The following CNTN5 variants were observed in gnomAD, a reference collection of about 807,000 sequenced individuals.
The protein encoded by CNTN5 is contactin 5, also known as contactin-5.
In CNTN5, 77 loss-of-function variants were observed where a neutral mutation model predicts 129.1. That is an observed-to-expected ratio of 0.60 (90% confidence interval 0.50 to 0.72). CNTN5 has a LOEUF of 0.72. Ranked by LOEUF, CNTN5 falls within the 30% of genes least tolerant of loss-of-function variation. The pLI is 0.00. For synonymous variants in CNTN5, 509 were observed against 465.6 expected, an observed-to-expected ratio of 1.09 and a Z score of -1.20; for missense variants, 1,478 against 1,328.8, an observed-to-expected ratio of 1.11 and a Z score of -1.75.
At chr11:99,989,344 A>C (rs1383281161) in intron 8 of CNTN5, among the ~76,000 whole-genome samples, 1 of 152,072 alleles carries the variant, frequency 6.6e-6, no homozygotes, top group Admixed American at 6.6e-5. Context: ...GCTTTCAAAG[A>C]AGTGTTATTG....
chr11:100,083,316 T>TAA (rs1944430093), intron 13 of CNTN5, among the ~76,000 whole-genome samples: 15 of 77,674 alleles, frequency 1.9e-4, no homozygotes, highest in African/African-American at 7.4e-4. Context: ...AAACTCTGTC[T>TAA]CAAAAAAAAA....
At position 100,356,187 on chromosome 11, in the gene CNTN5, C is replaced by A. The variant is rs201281697; in HGVS notation, c.3270C>A (p.Leu1090=). The A allele has an allele frequency of 5.3e-5, 85 of 1,610,048 alleles. No homozygotes were observed. Among genetic ancestry groups the A allele is most frequent in the Non-Finnish European group, 5.9e-6 (7 of 1,177,820 alleles). The part of the protein sequence containing the change: ...LSTSSSSVTL[L]LALMIPSTSW ...CATCTTCGTCATCAGTCACCTTGCT[C>A]TTGGCATTGATGATTCCTTCAACTT... is the stretch of plus-strand genomic sequence containing the variant. The change falls in exon 25 of 25, where the codon CTC becomes CTA. Residue 1090 remains leucine, a synonymous_variant. Transcript: ENST00000524871.
intron 2 of CNTN5, among the ~76,000 whole-genome samples, chr11:99,519,942 C>A (rs1046835889): frequency 6.6e-6 from 1 of 152,020 alleles, no homozygotes; most frequent in Non-Finnish European, 1.5e-5. Context: ...AAATAATTTA[C>A]TGTATTTTTC....
At chr11:99,550,005 C>A (rs1370910626) in intron 2 of CNTN5, among the ~76,000 whole-genome samples, 1 of 151,740 alleles carries the variant, frequency 6.6e-6, no homozygotes, top group Admixed American at 6.6e-5. Flanking sequence ...TTTGCTGGAC[C>A]CTATTCCACG....
intron 3 of CNTN5, among the ~76,000 whole-genome samples, chr11:99,800,825 T>C (rs1203327454): frequency 1.3e-5 from 2 of 152,184 alleles, no homozygotes; most frequent in African/African-American, 4.8e-5. Flanking sequence ...TCATGTGGGA[T>C]GGTTCTTTTG....
At chr11:100,059,765 A>G (rs1943385699) in intron 9 of CNTN5, among the ~76,000 whole-genome samples, 1 of 152,182 alleles carries the variant, frequency 6.6e-6, no homozygotes, top group Non-Finnish European at 1.5e-5. Context: ...TATATTATTG[A>G]AAAACAATTT....
At chr11:99,324,148 G>C (rs980393968) in intron 1 of CNTN5, among the ~76,000 whole-genome samples, 2 of 152,110 alleles carry the variant, frequency 1.3e-5, no homozygotes, top group Non-Finnish European at 2.9e-5. Context: ...AATATAAATA[G>C]AAGTCATAAA....
Position 99,940,134 on chromosome 11 carries a change from G to A in CNTN5, c.674-16672G>A, listed in dbSNP as rs554174307. 5.9e-5 allele frequency among the ~76,000 whole-genome samples: 9 copies of A among 152,042 alleles called. 1 individual carries two copies. The highest frequency in any genetic ancestry group is 2.2e-4 in the African/African-American group (9 of 41,412). ...CATCTAGTGGGTGAAGGTCAGTGAC[G>A]CTAATACACATCTGCAATGCAGAGG... is the stretch of plus-strand genomic sequence containing the variant. On this transcript the variant is annotated intron_variant, in intron 7 of 24. Coordinates refer to ENST00000524871, the MANE Select transcript of CNTN5 (RefSeq NM_014361.4).
chr11:99,853,962 C>G (rs896426137), intron 6 of CNTN5, among the ~76,000 whole-genome samples: 1 of 152,240 alleles, frequency 6.6e-6, no homozygotes. Flanking sequence ...ATAATACTGC[C>G]TTGTTCAACT....
intron 13 of CNTN5, among the ~76,000 whole-genome samples, chr11:100,091,424 C>CTTTTTTTTTTTTT (rs60075209): frequency 8.7e-6 from 1 of 114,440 alleles, no homozygotes; most frequent in Non-Finnish European, 1.7e-5. Context: ...TTTATTTATT[C>CTTTTTTTTTTTTT]TTTTTTTTTT....
At chr11:99,937,195 A>G (rs1828859449) in intron 7 of CNTN5, among the ~76,000 whole-genome samples, 1 of 152,244 alleles carries the variant, frequency 6.6e-6, no homozygotes, top group African/African-American at 2.4e-5. Flanking sequence ...CATAAAATAT[A>G]GTAAGCGGTG....
At chr11:99,419,040 G>A (rs2055598) in intron 2 of CNTN5, among the ~76,000 whole-genome samples, 115,510 of 152,124 alleles carry the variant, frequency 0.76, 44,780 homozygotes, top group African/African-American at 0.91. Flanking sequence ...GATAAGGAAT[G>A]TCAAGTTTCT....
chr11:99,953,093 C>G (rs1181230660), intron 7 of CNTN5, among the ~76,000 whole-genome samples: 2 of 152,162 alleles, frequency 1.3e-5, no homozygotes, highest in African/African-American at 2.4e-5. Context: ...ACTGTGATTA[C>G]TCATTGAACT....
At chr11:99,902,198 C>T (rs1038494594) in intron 6 of CNTN5, among the ~76,000 whole-genome samples, 1 of 150,186 alleles carries the variant, frequency 6.7e-6, no homozygotes, top group Non-Finnish European at 1.5e-5. Flanking sequence ...TGAACCAGAG[C>T]GTGGATCTAC....
At chr11:99,450,768 G>GTTTTTTTTTTTTTTTTT (rs34146715) in intron 2 of CNTN5, among the ~76,000 whole-genome samples, 2 of 105,004 alleles carry the variant, frequency 1.9e-5, no homozygotes, top group Non-Finnish European at 1.9e-5. Context: ...ATTGAAGCAA[G>GTTTTTTTTTTTTTTTTT]TTTTTTTTTT....
At chr11:99,774,329 C>G (rs1439494756) in intron 3 of CNTN5, among the ~76,000 whole-genome samples, 2 of 151,044 alleles carry the variant, frequency 1.3e-5, no homozygotes. Context: ...TAGAAAACTT[C>G]AGGTTTTTTT....
At chr11:100,199,760 T>C (rs1948730723) in intron 15 of CNTN5, among the ~76,000 whole-genome samples, 1 of 151,958 alleles carries the variant, frequency 6.6e-6, no homozygotes, top group Non-Finnish European at 1.5e-5. Flanking sequence ...ATATGATCAA[T>C]ATATGCCATT....
At chr11:100,120,874 C>T (rs1372109760) in intron 13 of CNTN5, among the ~76,000 whole-genome samples, 1 of 151,720 alleles carries the variant, frequency 6.6e-6, no homozygotes, top group Non-Finnish European at 1.5e-5. Context: ...ATTGTAATAG[C>T]ATCTAGTATT....
At chr11:100,208,880 CTGTCAGCGAT>C in intron 15 of CNTN5, among the ~76,000 whole-genome samples, 2 of 152,176 alleles carry the variant, frequency 1.3e-5, no homozygotes, top group African/African-American at 4.8e-5. Flanking sequence ...AATGCATCTA[CTGTCAGCGAT>C]CAGGTCAACT....
Sources: allele counts gnomAD v4.1 joint callset (sites outside exome capture counted in the v4.1 genomes callset), GRCh38; gene constraint gnomAD v4.1.1; transcripts MANE v1.5; gene names NCBI Gene and HGNC (gene_info 2026-07-23, HGNC 2026-07-21).